Variants in XKR9 observed in about 807,000 individuals in gnomAD.
XKR9 encodes XK-related protein 9.
In XKR9, 32 loss-of-function variants were observed where a neutral mutation model predicts 32.0. That is an observed-to-expected ratio of 1.00 (90% confidence interval 0.76 to 1.34). The LOEUF (loss-of-function observed/expected upper bound fraction) is 1.34, where lower values mean the gene tolerates loss of function less well. Ranked by LOEUF, XKR9 falls within the 40% of genes most tolerant of loss-of-function variation. XKR9 has a pLI of 0.00. For synonymous variants in XKR9, 168 were observed against 143.4 expected, an observed-to-expected ratio of 1.17 and a Z score of -1.22; for missense variants, 546 against 429.7, an observed-to-expected ratio of 1.27 and a Z score of -2.39.
the XKR9 span, among the ~76,000 whole-genome samples, chr8:70,812,807 G>C: frequency 1.3e-5 from 2 of 152,246 alleles, no homozygotes; most frequent in Non-Finnish European, 2.9e-5. Context: ...ACAAACAAAT[G>C]GAAGAACATT....
the XKR9 span, among the ~76,000 whole-genome samples, chr8:70,909,703 CTTTTTTTTTTT>C: frequency 2.2e-5 from 2 of 91,168 alleles, no homozygotes; most frequent in African/African-American, 8.2e-5. Flanking sequence ...TCGATTTATC[CTTTTTTTTTTT>C]TTTTTTTTTT....
chr8:70,738,280 A>G (rs1355705313), downstream of XKR9, among the ~76,000 whole-genome samples: 1 of 143,386 alleles, frequency 7.0e-6, no homozygotes, highest in Non-Finnish European at 1.6e-5. Context: ...GTATTCTCTG[A>G]TGGTAGTTTG....
At chr8:70,968,320 C>T in the XKR9 span, among the ~76,000 whole-genome samples, 1 of 152,110 alleles carries the variant, frequency 6.6e-6, no homozygotes, top group Non-Finnish European at 1.5e-5. Context: ...ACTGGATATT[C>T]TGGTTGTCAG....
chr8:70,679,235 G>A (rs558329385), intron 2 of XKR9, among the ~76,000 whole-genome samples: 1 of 152,194 alleles, frequency 6.6e-6, no homozygotes, highest in Admixed American at 6.5e-5. Context: ...AACATTATAT[G>A]AAGTCAAGTC....
At chr8:71,003,145 G>T in the XKR9 span, among the ~76,000 whole-genome samples, 11 of 152,282 alleles carry the variant, frequency 7.2e-5, no homozygotes, top group Middle Eastern at 3.4e-3. Flanking sequence ...TTATTTCGGG[G>T]TCATTAAGGG....
the XKR9 span, among the ~76,000 whole-genome samples, chr8:70,846,681 T>C: frequency 6.6e-6 from 1 of 151,720 alleles, no homozygotes; most frequent in Non-Finnish European, 1.5e-5. Context: ...AGCAAAGAGA[T>C]GGAAAAAGAT....
chr8:70,805,904 G>A, the XKR9 span, among the ~76,000 whole-genome samples: 5 of 152,196 alleles, frequency 3.3e-5, no homozygotes, highest in African/African-American at 7.2e-5. Flanking sequence ...AAGGGGCAGT[G>A]AAAGTGATTC....
At chr8:70,894,620 C>T in the XKR9 span, among the ~76,000 whole-genome samples, 2 of 152,108 alleles carry the variant, frequency 1.3e-5, no homozygotes, top group East Asian at 3.9e-4. Context: ...GGATGCAGGG[C>T]ACCACTTCAG....
At chr8:70,731,810 AG>A (rs1392047568) in intron 4 of XKR9, among the ~76,000 whole-genome samples, 22 of 152,230 alleles carry the variant, frequency 1.4e-4, no homozygotes, top group African/African-American at 4.8e-4. Flanking sequence ...TCTCTGAGTT[AG>A]GACTGTGGGA....
chr8:70,904,290 C>G, the XKR9 span, among the ~76,000 whole-genome samples: 12 of 152,284 alleles, frequency 7.9e-5, no homozygotes, highest in Admixed American at 7.8e-4. Flanking sequence ...CTTTATGAAT[C>G]TGGTTGCTCC....
the XKR9 span, among the ~76,000 whole-genome samples, chr8:71,045,650 C>T: frequency 6.6e-6 from 1 of 152,164 alleles, no homozygotes; most frequent in Non-Finnish European, 1.5e-5. Context: ...ACGCGCAGTT[C>T]CAGGGGAAGC....
the XKR9 span, among the ~76,000 whole-genome samples, chr8:70,844,652 T>G: frequency 6.6e-6 from 1 of 152,150 alleles, no homozygotes; most frequent in Non-Finnish European, 1.5e-5. Flanking sequence ...CTACCTGGGG[T>G]CTTGGGGATT....
intron 4 of XKR9, among the ~76,000 whole-genome samples, chr8:70,709,139 C>A (rs1805821468): frequency 6.6e-6 from 1 of 151,954 alleles, no homozygotes; most frequent in Admixed American, 6.6e-5. Context: ...AAGGTTTATT[C>A]AACATACATA....
chr8:71,047,828 A>T, the XKR9 span, among the ~76,000 whole-genome samples: 1 of 152,204 alleles, frequency 6.6e-6, no homozygotes, highest in Non-Finnish European at 1.5e-5. Context: ...GACTATTTGT[A>T]TGCGGAAATC....
At chr8:70,972,040 T>A in the XKR9 span, among the ~76,000 whole-genome samples, 1 of 152,198 alleles carries the variant, frequency 6.6e-6, no homozygotes. Flanking sequence ...ATTTGTAGAT[T>A]GCTTTTGGCT....
the XKR9 span, among the ~76,000 whole-genome samples, chr8:70,868,257 G>A: frequency 1.3e-5 from 2 of 152,150 alleles, no homozygotes; most frequent in Non-Finnish European, 1.5e-5. Flanking sequence ...TGGTTCCCCA[G>A]TTGGGACTCT....
the XKR9 span, among the ~76,000 whole-genome samples, chr8:70,944,789 G>A: frequency 6.6e-6 from 1 of 152,192 alleles, no homozygotes; most frequent in African/African-American, 2.4e-5. Flanking sequence ...AAGGCCGTCC[G>A]TTTTTATCCC....
intron 4 of XKR9, among the ~76,000 whole-genome samples, chr8:70,719,009 C>T (rs1467392817): frequency 2.0e-5 from 3 of 152,116 alleles, no homozygotes; most frequent in Non-Finnish European, 2.9e-5. Flanking sequence ...GGTCACCATT[C>T]TAATTGGTGT....
At chr8:70,927,602 A>T in the XKR9 span, among the ~76,000 whole-genome samples, 1 of 152,146 alleles carries the variant, frequency 6.6e-6, no homozygotes, top group African/African-American at 2.4e-5. Context: ...ACATGGCAGA[A>T]GGCATGGAAA....
Sources: allele counts gnomAD v4.1 joint callset (sites outside exome capture counted in the v4.1 genomes callset), GRCh38; gene constraint gnomAD v4.1.1; transcripts MANE v1.5; gene names NCBI Gene and HGNC (gene_info 2026-07-23, HGNC 2026-07-21).